The following GYS2 variants were observed in gnomAD, a reference collection of about 807,000 sequenced individuals.
GYS2 encodes the protein glycogen synthase 2.
Under a neutral mutation model 85.6 loss-of-function variants are expected in GYS2, and 80 were observed. That is an observed-to-expected ratio of 0.93 (90% CI 0.78 to 1.13). The LOEUF (loss-of-function observed/expected upper bound fraction) is 1.13, where lower values mean the gene tolerates loss of function less well. Among genes scored for constraint, GYS2 ranks in the 50% most tolerant of loss-of-function variants. The pLI is 0.00. For missense variants in GYS2, 881 were observed against 854.9 expected, an observed-to-expected ratio of 1.03 and a Z score of -0.38; for synonymous variants, 328 against 300.7, an observed-to-expected ratio of 1.09 and a Z score of -0.94.
intron 5 of GYS2, among the ~76,000 whole-genome samples, chr12:21,564,974 C>T (rs74066709): frequency 1.2e-3 from 182 of 152,174 alleles, no homozygotes; most frequent in African/African-American, 4.2e-3. Context: ...TGTCATACAA[C>T]TGTACCATAC....
At chr12:21,546,554 A>C (rs1252047974) in intron 11 of GYS2, 84 bp from the exon 12 acceptor site, 2 of 816,298 alleles carry the variant, frequency 2.5e-6, no homozygotes, top group Admixed American at 2.3e-5. Flanking sequence ...TTATTTCAGT[A>C]CTCTACTATA....
At chr12:21,582,214 G>C (rs1219881080) in intron 1 of GYS2, among the ~76,000 whole-genome samples, 1 of 152,150 alleles carries the variant, frequency 6.6e-6, no homozygotes, top group Non-Finnish European at 1.5e-5. Context: ...TGGACTGAAG[G>C]ATGCAAAGTA....
At chr12:21,600,627 T>C (rs1376722541) in intron 1 of GYS2, among the ~76,000 whole-genome samples, 5 of 152,126 alleles carry the variant, frequency 3.3e-5, no homozygotes, top group Admixed American at 2.6e-4. Flanking sequence ...CAGTTGTTCT[T>C]TACGGCAATT....
In GYS2 at chr12:21,580,501, A is replaced by T; in HGVS notation, c.144T>A (p.Ile48=). Residue 48 remains isoleucine (I), a synonymous_variant, in exon 2 of 16, where the codon ATT becomes ATA. Transcript: ENST00000261195. ...CTGCTGTTGTTTTGGCCTTTGTCTG[A>T]ATCACAGTATAGATGCCTCCAACTG... ...TNKVGGIYTV[I]QTKAKTTADE... is the part of the protein sequence containing the mutation. 1 of 1,613,318 alleles carries T rather than the reference A, an allele frequency of 6.2e-7. No individual in the cohort carries two copies. Among genetic ancestry groups the T allele is most frequent in the Non-Finnish European group, 8.5e-7 (1 of 1,179,488 alleles).
At position 21,536,983 on chromosome 12, in the gene GYS2, T is replaced by C; in HGVS notation, c.2083A>G (p.Lys695Glu). 1 of 1,613,798 alleles carries C rather than the reference T, an allele frequency of 6.2e-7. No individual in the cohort carries two copies. The highest frequency in any genetic ancestry group is 8.5e-7 in the Non-Finnish European group (1 of 1,179,710). Residue 695 changes from lysine (K) to glutamate (E), a missense_variant, in exon 16 of 16, where the codon AAA becomes GAA. Lys to Glu is a moderately conservative substitution (Grantham distance 56). Transcript: ENST00000261195. ...TTCTTATATTCACCATGCAGCTTTT[T>C]CTTCCCATGAGGAACGTGGCTCAGT... is the stretch of plus-strand genomic sequence containing the variant. The part of the protein sequence containing the change: ...FSLSHVPHGK[K>E]KLHGEYKN
At chr12:21,557,623 G>A (rs1591788365) in intron 11 of GYS2, among the ~76,000 whole-genome samples, 1 of 152,264 alleles carries the variant, frequency 6.6e-6, no homozygotes, top group East Asian at 1.9e-4. Context: ...TTTCTGGCCG[G>A]GCGCGGTGGC....
intron 3 of GYS2, among the ~76,000 whole-genome samples, chr12:21,575,546 C>T (rs1399839322): frequency 6.6e-6 from 1 of 151,962 alleles, no homozygotes; most frequent in African/African-American, 2.4e-5. Flanking sequence ...ATTTGCTACT[C>T]TTAAGATTCT....
chr12:21,572,413 C>T (rs574787000), intron 4 of GYS2, among the ~76,000 whole-genome samples: 49 of 152,256 alleles, frequency 3.2e-4, no homozygotes, highest in African/African-American at 1.1e-3. Context: ...ATGACTTCTT[C>T]CTTATACTGA....
chr12:21,533,601 T>G (rs1345304855), downstream of GYS2, among the ~76,000 whole-genome samples: 1 of 152,206 alleles, frequency 6.6e-6, no homozygotes, highest in Non-Finnish European at 1.5e-5. Context: ...CAGTGAAGAC[T>G]CTTCGGACCT....
chr12:21,600,515 G>A (rs368087548), intron 1 of GYS2, among the ~76,000 whole-genome samples: 14 of 152,170 alleles, frequency 9.2e-5, no homozygotes, highest in African/African-American at 3.1e-4. Context: ...GTTAGGTCTC[G>A]GGAAGGATGG....
intron 4 of GYS2, among the ~76,000 whole-genome samples, chr12:21,569,270 A>G (rs1944358909): frequency 1.3e-5 from 2 of 152,234 alleles, no homozygotes; most frequent in Admixed American, 6.5e-5. Flanking sequence ...CCTTACTGTA[A>G]TCACATAGAA....
At chr12:21,538,907 G>A (rs984437205) in intron 15 of GYS2, among the ~76,000 whole-genome samples, 2 of 152,192 alleles carry the variant, frequency 1.3e-5, no homozygotes, top group African/African-American at 4.8e-5. Flanking sequence ...CTCTTGCCAA[G>A]CGGTCACCCT....
At chr12:21,564,809 T>C (rs1302423778) in intron 5 of GYS2, among the ~76,000 whole-genome samples, 1 of 152,188 alleles carries the variant, frequency 6.6e-6, no homozygotes, top group Non-Finnish European at 1.5e-5. Context: ...CCCTATGAGG[T>C]AAATTGTTTT....
In GYS2 at chr12:21,575,966, C is replaced by T. The variant is rs541099681; in HGVS notation, c.395G>A (p.Gly132Asp). ...GACACTGCATGCTTCCCAGAGGTCA[C>T]CCTTCCACCTGTCCAGATTCCAAGC... ...YSAWNLDRWK[G>D]DLWEACSVGI... The change falls in exon 3 of 16, where the codon GGT (glycine) becomes GAT (aspartate). Residue 132 changes from glycine (G) to aspartate (D), a missense_variant. Physicochemically the swap from Gly to Asp is moderately conservative, Grantham distance 94. Coordinates refer to ENST00000261195, the MANE Select transcript of GYS2 (RefSeq NM_021957.4). 21 of 1,613,760 alleles carry T rather than the reference C, an allele frequency of 1.3e-5. No homozygotes were observed. In the Admixed American group the frequency reaches 2.7e-4, roughly 20 times the overall value.
intron 1 of GYS2, among the ~76,000 whole-genome samples, chr12:21,601,011 C>T (rs527355251): frequency 2.0e-5 from 3 of 152,188 alleles, no homozygotes; most frequent in East Asian, 1.9e-4. Context: ...GGGACTACAT[C>T]GCTCAAGTCT....
At chr12:21,597,412 C>T (rs1237813640) in intron 1 of GYS2, among the ~76,000 whole-genome samples, 1 of 152,028 alleles carries the variant, frequency 6.6e-6, no homozygotes, top group Non-Finnish European at 1.5e-5. Flanking sequence ...CAAAAGAAGA[C>T]ATACAAATGC....
At chr12:21,543,544 A>T (rs577794818) in intron 12 of GYS2, among the ~76,000 whole-genome samples, 1 of 151,860 alleles carries the variant, frequency 6.6e-6, no homozygotes, top group Non-Finnish European at 1.5e-5. Flanking sequence ...TCCACCTTCT[A>T]TGGGAGTTGG....
chr12:21,540,565 T>C lies in GYS2; in HGVS notation c.1654A>G (p.Ile552Val), dbSNP rs1943961234. Residue 552 changes from isoleucine (I) to valine (V), a missense_variant, in exon 14 of 16, where the codon ATC becomes GTC. Coordinates refer to ENST00000261195, the MANE Select transcript of GYS2 (RefSeq NM_021957.4). ...GGAGAACGGAACCGCCTGTCAACGA[T>C]GTAAATACCTGAAGAACACAAAAGC... ...VADPTAYGIY[I>V]VDRRFRSPDD... The C allele has an allele frequency of 6.2e-7, 1 of 1,613,782 alleles. No homozygotes were observed. Among genetic ancestry groups the C allele is most frequent in the Non-Finnish European group, 8.5e-7 (1 of 1,179,698 alleles).
At chr12:21,585,873 G>T (rs1238126484) in intron 1 of GYS2, among the ~76,000 whole-genome samples, 1 of 152,188 alleles carries the variant, frequency 6.6e-6, no homozygotes, top group East Asian at 1.9e-4. Context: ...TTGCAATGGG[G>T]ATTGGTGCAT....
Sources: allele counts gnomAD v4.1 joint callset (sites outside exome capture counted in the v4.1 genomes callset), GRCh38; gene constraint gnomAD v4.1.1; transcripts MANE v1.5; gene names NCBI Gene and HGNC (gene_info 2026-07-23, HGNC 2026-07-21).